Variants in TFDP1 observed in about 807,000 individuals in gnomAD.
TFDP1 encodes transcription factor Dp-1.
Under a neutral mutation model 48.0 loss-of-function variants are expected in TFDP1, and 6 were observed. The ratio of observed to expected loss-of-function variants is 0.13; its 90% CI spans 0.07 to 0.25. TFDP1 has a LOEUF of 0.25. TFDP1 is among the 10% of genes least tolerant of loss of function. The pLI, the probability that TFDP1 is intolerant of heterozygous loss-of-function variation, is 1.00. For synonymous variants in TFDP1, 201 were observed against 211.6 expected (o/e 0.95, Z 0.44); for missense variants, 335 against 543.0 (o/e 0.62, Z 3.81).
At position 113,607,511 on chromosome 13, in the gene TFDP1, G is replaced by A. The variant is rs190358629; in HGVS notation, c.13-3485G>A. Among the ~76,000 whole-genome samples the A allele has an allele frequency of 3.0e-4, 46 of 152,356 alleles. No individual in the cohort carries two copies. The East Asian group carries it at 7.7e-3, about 26-fold the overall frequency. On this transcript the variant is annotated intron_variant, in intron 2 of 11. Coordinates refer to ENST00000375370, the MANE Select transcript of TFDP1 (RefSeq NM_007111.5). The surrounding 1 kb of genome is among the most constrained non-coding windows in gnomAD (Gnocchi z 5.2). ...GATGCCACGCTTGTGTCAGCAGTGCGACACTGGCCCACGTGTCGTCCTTGT... is the reference window on the plus strand; with the variant it reads ...GATGCCACGCTTGTGTCAGCAGTGCAACACTGGCCCACGTGTCGTCCTTGT...
Position 113,623,279 on chromosome 13 carries a change from A to G in TFDP1, c.179A>G (p.Gln60Arg). The G allele has an allele frequency of 6.2e-7, 1 of 1,610,760 alleles. No homozygotes were observed. The highest frequency in any genetic ancestry group is 8.5e-7 in the Non-Finnish European group (1 of 1,178,604). Residue 60 changes from glutamine to arginine, a missense_variant, in exon 4 of 12, where the codon CAG becomes CGG. Gln to Arg is a conservative substitution (Grantham distance 43). Transcript: ENST00000375370. The surrounding 1 kb of genome is among the most constrained non-coding windows in gnomAD (Gnocchi z 5.2). Reference protein sequence around the residue: ...TFGQSNVNIAQQVVIGTPQRP... With the variant: ...TFGQSNVNIARQVVIGTPQRP... The stretch of plus-strand genomic sequence containing the variant: ...GGACAGTCCAATGTCAACATTGCCC[A>G]GCAAGTGGTAAGCCTCCCGCAGGAG...
intron 2 of TFDP1, among the ~76,000 whole-genome samples, chr13:113,601,681 G>C (rs946961049): frequency 2.6e-5 from 4 of 152,238 alleles, no homozygotes; most frequent in Admixed American, 6.5e-5. Flanking sequence ...TGGGGTCCCA[G>C]GCCCGGCCCC....
chr13:113,632,605 G>A (rs1390577589), intron 5 of TFDP1, among the ~76,000 whole-genome samples: 1 of 152,102 alleles, frequency 6.6e-6, no homozygotes, highest in Non-Finnish European at 1.5e-5. Flanking sequence ...GTGCAACCCC[G>A]TCTCTATTAA....
intron 3 of TFDP1, among the ~76,000 whole-genome samples, chr13:113,614,063 G>C (rs1487539470): frequency 2.0e-5 from 3 of 149,870 alleles, no homozygotes; most frequent in African/African-American, 7.3e-5. Context: ...TGTGTTGTGT[G>C]CATGAGTTGT....
At chr13:113,610,553 G>GCCAT (rs2048686369) in intron 2 of TFDP1, among the ~76,000 whole-genome samples, 1 of 149,186 alleles carries the variant, frequency 6.7e-6, no homozygotes, top group African/African-American at 2.5e-5. Context: ...TTGTGGCTGT[G>GCCAT]CCATCACACA....
At chr13:113,613,873 G>T (rs957544185) in intron 3 of TFDP1, among the ~76,000 whole-genome samples, 14 of 151,666 alleles carry the variant, frequency 9.2e-5, no homozygotes, top group Admixed American at 8.5e-4. Flanking sequence ...TGCATGAGTT[G>T]TGTGAGTGGA....
At chr13:113,629,008 G>C (rs1251169180) in intron 4 of TFDP1, among the ~76,000 whole-genome samples, 2 of 152,216 alleles carry the variant, frequency 1.3e-5, no homozygotes, top group Non-Finnish European at 2.9e-5. Context: ...ACCTGTGCCA[G>C]GTCCGGGAGC....
At chr13:113,604,888 C>T (rs1431435708) in intron 2 of TFDP1, among the ~76,000 whole-genome samples, 1 of 152,178 alleles carries the variant, frequency 6.6e-6, no homozygotes, top group Non-Finnish European at 1.5e-5. Flanking sequence ...TGTGTGCAGG[C>T]CCCGTCCCAG....
intron 2 of TFDP1, among the ~76,000 whole-genome samples, chr13:113,587,897 C>T (rs2048044864): frequency 6.6e-6 from 1 of 152,176 alleles, no homozygotes; most frequent in African/African-American, 2.4e-5. Context: ...TTGCTTGTTG[C>T]CCAGGCTAGA....
intron 10 of TFDP1, 26 bp downstream of exon 10, chr13:113,636,726 G>A (rs755668239): frequency 7.6e-5 from 121 of 1,600,904 alleles, no homozygotes; most frequent in Non-Finnish European, 9.9e-5. Context: ...ACAACCTGGC[G>A]TGGCTGTGTG....
At chr13:113,628,107 C>T (rs145353130) in intron 4 of TFDP1, among the ~76,000 whole-genome samples, 2,145 of 151,956 alleles carry the variant, frequency 0.014, 46 homozygotes, top group East Asian at 0.044. Context: ...TGTCTGGAGC[C>T]GTGTAAAGAC....
rs780007650 is a variant in TFDP1, at chr13:113,633,356, AT to A, written c.474+72del. The A allele has an allele frequency of 2.2e-3, 1,981 of 908,310 alleles. 4 individuals carry two copies. Among genetic ancestry groups the A allele is most frequent in the Non-Finnish European group, 3.2e-3 (1,806 of 569,716 alleles). The allele number at this position is 908,310 out of a possible 1,614,324, so 56.3% of individuals were successfully genotyped here. A position where few individuals can be genotyped will look rare whatever the true frequency, so the allele number is the denominator to read the frequency against. ...CGGTGTGGTACGTTTCGCTCTTTTA[AT>A]ATCGGGAACAGTTAAAACCATACAG... On this transcript the variant is annotated intron_variant, in intron 6 of 11. Coordinates refer to ENST00000375370, the MANE Select transcript of TFDP1 (RefSeq NM_007111.5). The surrounding 1 kb of genome is among the most constrained non-coding windows in gnomAD (Gnocchi z 4.5).
intron 2 of TFDP1, among the ~76,000 whole-genome samples, chr13:113,596,248 A>T (rs2048287109): frequency 6.6e-6 from 1 of 152,192 alleles, no homozygotes; most frequent in Non-Finnish European, 1.5e-5. Context: ...ATGAAGAGGG[A>T]GATGACCGTG....
At chr13:113,625,790 CGTCTCTCACGTGTCCTCAG>C (rs2049150144) in intron 4 of TFDP1, among the ~76,000 whole-genome samples, 1 of 10,674 alleles carries the variant, frequency 9.4e-5, no homozygotes, top group Non-Finnish European at 1.9e-4. Context: ...TGTCCTCAGG[CGTCTCTCACGTGTCCTCAG>C]GTGTCTCACG....
rs370551936 is a variant in TFDP1 at position 113,594,641 on chromosome 13, C to T, written c.12+8792C>T. Among the ~76,000 whole-genome samples the T allele has an allele frequency of 2.8e-4, 42 of 152,362 alleles. No homozygotes were observed. In the East Asian group the frequency reaches 7.9e-3, roughly 29 times the overall value. ...CCCGTGTGCTGGTCCTCAGCTGTGC[C>T]CAGGCTTGGGCTGTGGGTGCCGCCC... On this transcript the variant is annotated intron_variant, in intron 2 of 11. Coordinates refer to ENST00000375370, the MANE Select transcript of TFDP1 (RefSeq NM_007111.5).
chr13:113,626,790 AATTAG>A (rs1352625948), intron 4 of TFDP1, among the ~76,000 whole-genome samples: 23 of 152,306 alleles, frequency 1.5e-4, no homozygotes, highest in African/African-American at 5.3e-4. Flanking sequence ...TTTGCTTGAT[AATTAG>A]ATTATAGGTT....
chr13:113,614,375 C>T (rs1235429476), intron 3 of TFDP1, among the ~76,000 whole-genome samples: 1 of 152,166 alleles, frequency 6.6e-6, no homozygotes, highest in Non-Finnish European at 1.5e-5. Flanking sequence ...CAGGCAGGGT[C>T]CTCGGCGCCC....
At chr13:113,624,834 C>T (rs1037663612) in intron 4 of TFDP1, among the ~76,000 whole-genome samples, 23 of 145,156 alleles carry the variant, frequency 1.6e-4, no homozygotes, top group Non-Finnish European at 2.4e-4. Flanking sequence ...CACGTGTCCT[C>T]AGGTGTTTCT....
rs2049627501 is a variant in TFDP1 at position 113,640,977 on chromosome 13, A to G, written c.*710A>G. 6.6e-6 allele frequency: 1 copy of G among 152,576 alleles called. No individual in the cohort carries two copies. Among genetic ancestry groups the G allele is most frequent in the Admixed American group, 6.5e-5 (1 of 15,274 alleles). The allele number at this position is 152,576 out of a possible 1,614,324, so 9.5% of individuals were successfully genotyped here. A position where few individuals can be genotyped will look rare whatever the true frequency, so the allele number is the denominator to read the frequency against. ...TTGCCATGCTGGTGCGGCTATGGAGACTGTCTGGAAGGCTTGGAATGGTTT... is the reference window on the plus strand; with the variant it reads ...TTGCCATGCTGGTGCGGCTATGGAGGCTGTCTGGAAGGCTTGGAATGGTTT... On this transcript the variant is annotated 3_prime_UTR_variant, in exon 12 of 12. Transcript: ENST00000375370.
Sources: allele counts gnomAD v4.1 joint callset (sites outside exome capture counted in the v4.1 genomes callset), GRCh38; gene constraint gnomAD v4.1.1; non-coding constraint Gnocchi (gnomAD v3.1); transcripts MANE v1.5; gene names NCBI Gene and HGNC (gene_info 2026-07-23, HGNC 2026-07-21).